Variants in MAGI1 observed in about 807,000 individuals in gnomAD.
The protein encoded by MAGI1 is membrane associated guanylate kinase, WW and PDZ domain containing 1, also known as membrane-associated guanylate kinase, WW and PDZ domain-containing protein 1.
Under a neutral mutation model 139.9 loss-of-function variants are expected in MAGI1, and 58 were observed. That is an observed-to-expected ratio of 0.41 (90% CI 0.34 to 0.52). MAGI1 has a LOEUF of 0.52. Ranked by LOEUF, MAGI1 falls within the 20% of genes least tolerant of loss-of-function variation. The pLI is 0.12. For missense variants in MAGI1, 1,874 were observed against 1,901.6 expected (o/e 0.99, Z 0.27); for synonymous variants, 812 against 737.9 (o/e 1.10, Z -1.63).
At chr3:65,732,679 T>C (rs1171365925) in intron 1 of MAGI1, among the ~76,000 whole-genome samples, 1 of 152,210 alleles carries the variant, frequency 6.6e-6, no homozygotes, top group African/African-American at 2.4e-5. Context: ...GTATCAACTA[T>C]CATAACAAAA....
At chr3:65,662,073 T>C (rs2086231060) in intron 1 of MAGI1, among the ~76,000 whole-genome samples, 1 of 152,008 alleles carries the variant, frequency 6.6e-6, no homozygotes, top group South Asian at 2.1e-4. Context: ...TTATTATTGC[T>C]GCCAAGAAAA....
chr3:65,647,995 G>C (rs962444109), intron 1 of MAGI1, among the ~76,000 whole-genome samples: 2 of 152,082 alleles, frequency 1.3e-5, no homozygotes, highest in African/African-American at 4.8e-5. Context: ...AATCAGAAAG[G>C]AGGAAATTAA....
chr3:65,540,478 C>T (rs1016415740), intron 2 of MAGI1, among the ~76,000 whole-genome samples: 2 of 152,086 alleles, frequency 1.3e-5, no homozygotes, highest in African/African-American at 4.8e-5. Flanking sequence ...TCAATAAATA[C>T]CTGCAGGATG....
intron 1 of MAGI1, among the ~76,000 whole-genome samples, chr3:65,679,399 A>G (rs972315547): frequency 1.3e-5 from 2 of 152,064 alleles, no homozygotes; most frequent in African/African-American, 4.8e-5. Flanking sequence ...CCTATTGCTT[A>G]ATCAAGATGC....
At chr3:65,834,914 GATTGGTGTTTGC>G (rs1270435097) in intron 1 of MAGI1, among the ~76,000 whole-genome samples, 2 of 152,046 alleles carry the variant, frequency 1.3e-5, no homozygotes, top group African/African-American at 4.8e-5. Context: ...GCTTTCTTTT[GATTGGTGTTTGC>G]ATTACACACC....
intron 1 of MAGI1, among the ~76,000 whole-genome samples, chr3:65,992,525 C>A (rs1347354216): frequency 6.6e-6 from 1 of 152,194 alleles, no homozygotes; most frequent in East Asian, 1.9e-4. Flanking sequence ...CAACACTCTG[C>A]TTCCCTTCAA....
chr3:65,957,419 G>A (rs1043529487), intron 1 of MAGI1, among the ~76,000 whole-genome samples: 1 of 150,512 alleles, frequency 6.6e-6, no homozygotes, highest in African/African-American at 2.4e-5. Flanking sequence ...TACCCGCGGC[G>A]CTGAGGTGGG....
At chr3:65,904,204 C>T (rs2061347501) in intron 1 of MAGI1, among the ~76,000 whole-genome samples, 1 of 152,176 alleles carries the variant, frequency 6.6e-6, no homozygotes, top group Non-Finnish European at 1.5e-5. Context: ...GCTGATATTT[C>T]ACAAAATATG....
intron 1 of MAGI1, among the ~76,000 whole-genome samples, chr3:66,007,565 C>T (rs1393537132): frequency 6.6e-6 from 1 of 152,184 alleles, no homozygotes; most frequent in African/African-American, 2.4e-5. Context: ...GGAAATGGTG[C>T]AAGGCTGAAG....
In MAGI1 at chr3:65,786,119, C is replaced by G. The variant is rs768119937; in HGVS notation, c.314-164031G>C. Among the ~76,000 whole-genome samples, 27 of 151,928 alleles carry G rather than the reference C, an allele frequency of 1.8e-4. 1 individual carries two copies. The highest frequency in any genetic ancestry group is 8.3e-4 in the South Asian group (4 of 4,806). ...TATAGACGCCTACCATCACACCCGGCTAATTTTTATATTTTTAGTAGAGAT... is the reference window on the plus strand; with the variant it reads ...TATAGACGCCTACCATCACACCCGGGTAATTTTTATATTTTTAGTAGAGAT... On this transcript the variant is annotated intron_variant, in intron 1 of 22. Coordinates refer to ENST00000402939, the MANE Select transcript of MAGI1 (RefSeq NM_001033057.2).
intron 1 of MAGI1, among the ~76,000 whole-genome samples, chr3:65,808,276 C>A (rs368485106): frequency 1.3e-5 from 2 of 152,032 alleles, no homozygotes; most frequent in African/African-American, 2.4e-5. Context: ...TGAGACATGG[C>A]GCCCAGCTGA....
intron 1 of MAGI1, among the ~76,000 whole-genome samples, chr3:65,737,455 A>G (rs537880911): frequency 8.5e-5 from 13 of 152,366 alleles, no homozygotes; most frequent in Admixed American, 7.8e-4. Flanking sequence ...GGAACTAATT[A>G]ATTTATTCAC....
At chr3:65,662,251 G>A (rs1576638297) in intron 1 of MAGI1, among the ~76,000 whole-genome samples, 1 of 152,302 alleles carries the variant, frequency 6.6e-6, no homozygotes, top group East Asian at 1.9e-4. Context: ...AGTCCATGCA[G>A]AAGCCAAATT....
chr3:66,038,276 C>G lies in MAGI1; in HGVS notation c.33G>C (p.Trp11Cys). 1 of 1,599,890 alleles carries G rather than the reference C, an allele frequency of 6.3e-7. No homozygotes were observed. The highest frequency in any genetic ancestry group is 8.5e-7 in the Non-Finnish European group (1 of 1,172,502). MSKVIQKKNH[W>C]TSRVHECTVK... ...CGGTGCATTCGTGAACCCTGCTAGT[C>G]CAGTGGTTCTTCTTCTGGATCACTT... The change falls in exon 1 of 23, where the codon TGG (tryptophan) becomes TGC (cysteine). Residue 11 changes from tryptophan to cysteine, a missense_variant. Transcript: ENST00000402939.
rs973135377 is a variant in MAGI1, at chr3:65,661,641, A to G, written c.314-39553T>C. Among the ~76,000 whole-genome samples, 6 of 152,248 alleles carry G rather than the reference A, an allele frequency of 3.9e-5. No individual in the cohort carries two copies. In the East Asian group the frequency reaches 1.2e-3, roughly 29 times the overall value. On this transcript the variant is annotated intron_variant, in intron 1 of 22. Coordinates refer to ENST00000402939, the MANE Select transcript of MAGI1 (RefSeq NM_001033057.2). ...CAGAGGATAAACTTACTGTGATGGG[A>G]AGCATATGAAATTCATAGCATGACA...
chr3:65,716,196 C>T (rs2032224146), intron 1 of MAGI1, among the ~76,000 whole-genome samples: 1 of 152,194 alleles, frequency 6.6e-6, no homozygotes, highest in Admixed American at 6.5e-5. Context: ...AGATTCAGGA[C>T]TAGCCTAAGG....
At chr3:65,411,082 C>G (rs1246396133) in intron 12 of MAGI1, among the ~76,000 whole-genome samples, 1 of 152,148 alleles carries the variant, frequency 6.6e-6, no homozygotes, top group Non-Finnish European at 1.5e-5. Flanking sequence ...ATGTACCTAC[C>G]ACGAGGTCAA....
intron 1 of MAGI1, among the ~76,000 whole-genome samples, chr3:65,829,745 G>A (rs2042427425): frequency 6.6e-6 from 1 of 152,138 alleles, no homozygotes; most frequent in Admixed American, 6.5e-5. Context: ...GTAGGTGTTG[G>A]GGAAAGTCTC....
At chr3:66,013,482 C>T (rs1472175454) in intron 1 of MAGI1, among the ~76,000 whole-genome samples, 3 of 150,860 alleles carry the variant, frequency 2.0e-5, no homozygotes, top group African/African-American at 4.9e-5. Context: ...AAGATAGAGG[C>T]CAGACTCGGT....
Sources: allele counts gnomAD v4.1 joint callset (sites outside exome capture counted in the v4.1 genomes callset), GRCh38; gene constraint gnomAD v4.1.1; transcripts MANE v1.5; gene names NCBI Gene and HGNC (gene_info 2026-07-23, HGNC 2026-07-21).